UTP14C: variants seen among roughly 807,000 people sequenced by gnomAD.
The protein encoded by UTP14C is U3 small nucleolar RNA-associated protein 14 homolog C.
In UTP14C, 10 loss-of-function variants were observed where a neutral mutation model predicts 14.6. The ratio of observed to expected loss-of-function variants is 0.68; its 90% CI spans 0.42 to 1.16. The LOEUF is 1.16. Among genes scored for constraint, UTP14C ranks in the 50% most tolerant of loss-of-function variants. UTP14C has a pLI of 0.00. For missense variants in UTP14C, 818 were observed against 890.8 expected, an observed-to-expected ratio of 0.92 and a Z score of 1.04; for synonymous variants, 315 against 331.6, an observed-to-expected ratio of 0.95 and a Z score of 0.54.
Position 52,029,319 on chromosome 13 carries a change from A to G in UTP14C, c.515A>G (p.His172Arg), listed in dbSNP as rs748442937. The change falls in exon 2 of 2, where the codon CAT becomes CGT. Residue 172 changes from histidine to arginine, a missense_variant. Coordinates refer to ENST00000521776, the MANE Select transcript of UTP14C (RefSeq NM_021645.6). Reference sequence around the variant, plus strand: ...CAGCCAGCCATTGCTCCCATTGAACATGCGCTCAGTGGCTGGAAGGCAAGA... The same window carrying G: ...CAGCCAGCCATTGCTCCCATTGAACGTGCGCTCAGTGGCTGGAAGGCAAGA... Reference protein sequence around the residue: ...KEQPAIAPIEHALSGWKARTP... With the variant: ...KEQPAIAPIERALSGWKARTP... The G allele has an allele frequency of 1.2e-6, 2 of 1,614,174 alleles. No individual in the cohort carries two copies. The highest frequency in any genetic ancestry group is 1.7e-6 in the Non-Finnish European group (2 of 1,180,030).
rs73184339 is a variant in UTP14C at position 52,029,312 on chromosome 13, A to G, written c.508A>G (p.Ile170Val). The part of the protein sequence containing the change: ...LGKEQPAIAP[I>V]EHALSGWKAR... The stretch of plus-strand genomic sequence containing the variant: ...GAAGGAGCAGCCAGCCATTGCTCCC[A>G]TTGAACATGCGCTCAGTGGCTGGAA... The change falls in exon 2 of 2, where the codon ATT (isoleucine) becomes GTT (valine). Residue 170 changes from isoleucine (I) to valine (V), a missense_variant. Coordinates refer to ENST00000521776, the MANE Select transcript of UTP14C (RefSeq NM_021645.6). 6.0e-3 allele frequency: 9,624 copies of G among 1,614,194 alleles called. 34 individuals carry two copies. Among genetic ancestry groups the G allele is most frequent in the Non-Finnish European group, 7.5e-3 (8,858 of 1,180,036 alleles).
Position 52,029,800 on chromosome 13 carries a change from GAC to G in UTP14C, c.1000_1001del (p.Gln334GlufsTer7), listed in dbSNP as rs1481616329. 3 of 1,614,096 alleles carry G rather than the reference GAC, an allele frequency of 1.9e-6. No individual in the cohort carries two copies. Among genetic ancestry groups the G allele is most frequent in the Non-Finnish European group, 2.5e-6 (3 of 1,180,052 alleles). ...AACAGTTGGCCAAGAACAAAGAACT[GAC>G]ACAGAAACTCCAGGTAGCCTCTGAG... Reference protein sequence around the residue: ...QEQLAKNKELTQKLQVASESE... With the variant: ...QEQLAKNKELXQKLQVASESE... On this transcript the variant is annotated frameshift_variant, in exon 2 of 2. Transcript: ENST00000521776. LOFTEE classifies it low-confidence loss of function (END_TRUNC).
chr13:52,030,363 G>A lies in UTP14C; in HGVS notation c.1559G>A (p.Cys520Tyr). ...CTAGAAGAGCTGGGAAAAGAAGATT[G>A]TTTTCAAAATAAGGAGCTTCCCAGA... is the stretch of plus-strand genomic sequence containing the variant. The part of the protein sequence containing the change: ...EELEELGKED[C>Y]FQNKELPRPV... The change falls in exon 2 of 2, where the codon TGT becomes TAT. Residue 520 changes from cysteine to tyrosine, a missense_variant. Physicochemically the swap from Cys to Tyr is radical, Grantham distance 194. Transcript: ENST00000521776. 1 of 1,614,200 alleles carries A rather than the reference G, an allele frequency of 6.2e-7. No individual in the cohort carries two copies. Among genetic ancestry groups the A allele is most frequent in the South Asian group, 1.1e-5 (1 of 91,090 alleles).
Position 52,031,041 on chromosome 13 carries a change from T to C in UTP14C, c.2237T>C (p.Leu746Pro). 1 of 1,614,164 alleles carries C rather than the reference T, an allele frequency of 6.2e-7. No homozygotes were observed. The highest frequency in any genetic ancestry group is 8.5e-7 in the Non-Finnish European group (1 of 1,180,024). Residue 746 changes from leucine (L) to proline (P), a missense_variant, in exon 2 of 2, where the codon CTG becomes CCG. Physicochemically the swap from Leu to Pro is moderately conservative, Grantham distance 98. Coordinates refer to ENST00000521776, the MANE Select transcript of UTP14C (RefSeq NM_021645.6). Reference sequence around the variant, plus strand: ...TACCAGTCTTCCTCAAGGTCAGACCTGCCTGTCATACAGAGGAATCCAAAA... The same window carrying C: ...TACCAGTCTTCCTCAAGGTCAGACCCGCCTGTCATACAGAGGAATCCAAAA... ...VGYQSSSRSD[L>P]PVIQRNPKRI...
At position 52,030,674 on chromosome 13, in the gene UTP14C, G is replaced by A. The variant is rs749535690; in HGVS notation, c.1870G>A (p.Asp624Asn). Reference sequence around the variant, plus strand: ...GGAGGCGAGTAAGCCAAAGGACGTGGACCTGACACTACCTGGCTGGGGCGA... The same window carrying A: ...GGAGGCGAGTAAGCCAAAGGACGTGAACCTGACACTACCTGGCTGGGGCGA... ...AVEASKPKDVDLTLPGWGEWG... is the reference protein window; with the variant it reads ...AVEASKPKDVNLTLPGWGEWG... Residue 624 changes from aspartate (D) to asparagine (N), a missense_variant, in exon 2 of 2, where the codon GAC becomes AAC. Transcript: ENST00000521776. 40 of 1,614,088 alleles carry A rather than the reference G, an allele frequency of 2.5e-5. No homozygotes were observed. The highest frequency in any genetic ancestry group is 3.4e-5 in the Non-Finnish European group (40 of 1,180,044).
rs370985603 is a variant in UTP14C, at chr13:52,030,818, C to T, written c.2014C>T (p.Arg672Cys). ...GCCAAATGTGATTATCAGTGAGAAGCGCAACATCCACGCAGCAGCTCATCA... is the reference window on the plus strand; with the variant it reads ...GCCAAATGTGATTATCAGTGAGAAGTGCAACATCCACGCAGCAGCTCATCA... ...NLPNVIISEKRNIHAAAHQVQ... is the reference protein window; with the variant it reads ...NLPNVIISEKCNIHAAAHQVQ... Residue 672 changes from arginine to cysteine, a missense_variant, in exon 2 of 2, where the codon CGC (arginine) becomes TGC (cysteine). Physicochemically the swap from Arg to Cys is radical, Grantham distance 180. Coordinates refer to ENST00000521776, the MANE Select transcript of UTP14C (RefSeq NM_021645.6). The T allele has an allele frequency of 3.9e-5, 63 of 1,614,094 alleles. No homozygotes were observed. In the South Asian group the frequency reaches 4.6e-4, roughly 12 times the overall value.
chr13:52,032,789 CTCT>C lies in UTP14C; in HGVS notation c.*1686_*1688del, dbSNP rs1428411277. 6.0e-6 allele frequency: 1 copy of C among 167,038 alleles called. No individual in the cohort carries two copies. Among genetic ancestry groups the C allele is most frequent in the Non-Finnish European group, 1.5e-5 (1 of 68,102 alleles). 10.3% of individuals were successfully genotyped at this position (167,038 alleles called of 1,614,324 possible). On this transcript the variant is annotated 3_prime_UTR_variant, in exon 2 of 2. Coordinates refer to ENST00000521776, the MANE Select transcript of UTP14C (RefSeq NM_021645.6). ...GAACCCTACAGATTAGCCCAGTTCT[CTCT>C]TATTTTCAGCTTTACAGACAAGAAC...
In UTP14C at chr13:52,029,358, A is replaced by G. The variant is rs367594824; in HGVS notation, c.554A>G (p.Gln185Arg). 15 of 1,614,026 alleles carry G rather than the reference A, an allele frequency of 9.3e-6. No homozygotes were observed. In the East Asian group the frequency reaches 1.1e-4, roughly 12 times the overall value. ...TGGAAGGCAAGAACTCCCCTGGAGC[A>G]GGAAATTTTTAACCTCCTCCATAAG... Reference protein sequence around the residue: ...SGWKARTPLEQEIFNLLHKNK... With the variant: ...SGWKARTPLEREIFNLLHKNK... The change falls in exon 2 of 2, where the codon CAG becomes CGG. Residue 185 changes from glutamine to arginine, a missense_variant. Physicochemically the swap from Gln to Arg is conservative, Grantham distance 43. Coordinates refer to ENST00000521776, the MANE Select transcript of UTP14C (RefSeq NM_021645.6).
chr13:52,026,855 TGCAGGTA>T (rs1954246126), intron 1 of UTP14C, among the ~76,000 whole-genome samples: 1 of 152,196 alleles, frequency 6.6e-6, no homozygotes, highest in Non-Finnish European at 1.5e-5. Flanking sequence ...ATTGTCCTTG[TGCAGGTA>T]GTTATCAAAG....
At position 52,030,417 on chromosome 13, in the gene UTP14C, G is replaced by A. The variant is rs1173660049; in HGVS notation, c.1613G>A (p.Arg538Lys). ...GTGTTAGAAGGACAGCAGTCAGAGA[G>A]GACCCCAAATAATCGGCCTGATGCC... The part of the protein sequence containing the change: ...RPVLEGQQSE[R>K]TPNNRPDAPK... Residue 538 changes from arginine to lysine, a missense_variant, in exon 2 of 2, where the codon AGG (arginine) becomes AAG (lysine). Physicochemically the swap from Arg to Lys is conservative, Grantham distance 26. Coordinates refer to ENST00000521776, the MANE Select transcript of UTP14C (RefSeq NM_021645.6). 2 of 1,614,204 alleles carry A rather than the reference G, an allele frequency of 1.2e-6. No homozygotes were observed. Among genetic ancestry groups the A allele is most frequent in the East Asian group, 2.2e-5 (1 of 44,878 alleles).
At position 52,029,750 on chromosome 13, in the gene UTP14C, C is replaced by G; in HGVS notation, c.946C>G (p.Leu316Val). The change falls in exon 2 of 2, where the codon CTG (leucine) becomes GTG (valine). Residue 316 changes from leucine (L) to valine (V), a missense_variant. Physicochemically the swap from Leu to Val is conservative, Grantham distance 32. Transcript: ENST00000521776. Reference protein sequence around the residue: ...KSKAIMAKYDLEARQAMQEQL... With the variant: ...KSKAIMAKYDVEARQAMQEQL... ...AAAGGCAATTATGGCCAAATATGAC[C>G]TGGAGGCTCGCCAAGCTATGCAGGA... The G allele has an allele frequency of 6.2e-7, 1 of 1,614,160 alleles. No homozygotes were observed. Among genetic ancestry groups the G allele is most frequent in the Non-Finnish European group, 8.5e-7 (1 of 1,180,032 alleles).
At position 52,024,837 on chromosome 13, in the gene UTP14C, T is replaced by C. The variant is rs146432805; in HGVS notation, c.-587T>C. 727 of 1,613,970 alleles carry C rather than the reference T, an allele frequency of 4.5e-4. 7 individuals are homozygous for C. In the East Asian group the frequency reaches 0.013, roughly 28 times the overall value. On this transcript the variant is annotated 5_prime_UTR_variant, in exon 1 of 2. The change abolishes an upstream ATG in the 5' untranslated region. Coordinates refer to ENST00000521776, the MANE Select transcript of UTP14C (RefSeq NM_021645.6). ...CTGAGGATTTAGGAGTTCAAGAATATGTGGAATTTAAAATAAACATTCCAT... is the reference window on the plus strand; with the variant it reads ...CTGAGGATTTAGGAGTTCAAGAATACGTGGAATTTAAAATAAACATTCCAT...
rs149660675 is a variant in UTP14C, at chr13:52,029,702, A to G, written c.898A>G (p.Asn300Asp). 7 of 1,614,230 alleles carry G rather than the reference A, an allele frequency of 4.3e-6. No individual in the cohort carries two copies. In the Admixed American group the frequency reaches 1.2e-4, roughly 27 times the overall value. Reference sequence around the variant, plus strand: ...GGAAAGAATGAGCCTTAAGCACCAAAACAGTGGGAAATGGGCCAAGTCAAA... The same window carrying G: ...GGAAAGAATGAGCCTTAAGCACCAAGACAGTGGGAAATGGGCCAAGTCAAA... ...MMERMSLKHQNSGKWAKSKAI... is the reference protein window; with the variant it reads ...MMERMSLKHQDSGKWAKSKAI... Residue 300 changes from asparagine (N) to aspartate (D), a missense_variant, in exon 2 of 2, where the codon AAC becomes GAC. Physicochemically the swap from Asn to Asp is conservative, Grantham distance 23. Transcript: ENST00000521776.
In UTP14C at chr13:52,029,296, G is replaced by T. The variant is rs376360056; in HGVS notation, c.492G>T (p.Gln164His). The change falls in exon 2 of 2, where the codon CAG becomes CAT. Residue 164 changes from glutamine to histidine, a missense_variant. Coordinates refer to ENST00000521776, the MANE Select transcript of UTP14C (RefSeq NM_021645.6). ...EQLVFPLGKE[Q>H]PAIAPIEHAL... ...TGGTTTTTCCCCTGGGGAAGGAGCAGCCAGCCATTGCTCCCATTGAACATG... is the reference window on the plus strand; with the variant it reads ...TGGTTTTTCCCCTGGGGAAGGAGCATCCAGCCATTGCTCCCATTGAACATG... The T allele has an allele frequency of 3.1e-6, 5 of 1,614,164 alleles. No homozygotes were observed. In the African/African-American group the frequency reaches 6.7e-5, roughly 22 times the overall value.
chr13:52,025,054 C>G lies in UTP14C; in HGVS notation c.-487+117C>G. On this transcript the variant is annotated intron_variant, in intron 1 of 1. Transcript: ENST00000521776. ...CATGCCCTAATTCTCTTGCCCTCAT[C>G]CACCAAATGTGCTTTCCTCACTTGA... 8 of 1,165,944 alleles carry G rather than the reference C, an allele frequency of 6.9e-6. 1 individual carries two copies. Among genetic ancestry groups the G allele is most frequent in the South Asian group, 6.3e-5 (5 of 79,362 alleles). 72.2% of individuals were successfully genotyped at this position (1,165,944 alleles called of 1,614,324 possible).
rs1010446002 is a variant in UTP14C, at chr13:52,033,443, T to C, written c.*2338T>C. On this transcript the variant is annotated 3_prime_UTR_variant, in exon 2 of 2. Transcript: ENST00000521776. The stretch of plus-strand genomic sequence containing the variant: ...TACAAAGTCTGTGTCTAAATATTAT[T>C]TAAAGAAGTGATTTTTCATTCTCTT... 1 of 167,142 alleles carries C rather than the reference T, an allele frequency of 6.0e-6. No homozygotes were observed. The highest frequency in any genetic ancestry group is 2.4e-5 in the African/African-American group (1 of 41,464). 10.4% of individuals were successfully genotyped at this position (167,142 alleles called of 1,614,324 possible).
At position 52,033,213 on chromosome 13, in the gene UTP14C, C is replaced by T. The variant is rs1298642139; in HGVS notation, c.*2108C>T. The T allele has an allele frequency of 6.0e-6, 1 of 167,036 alleles. No individual in the cohort carries two copies. The highest frequency in any genetic ancestry group is 1.5e-5 in the Non-Finnish European group (1 of 68,112). 10.3% of individuals were successfully genotyped at this position (167,036 alleles called of 1,614,324 possible). On this transcript the variant is annotated 3_prime_UTR_variant, in exon 2 of 2. Transcript: ENST00000521776. ...TGGTTTGTCCGCTAGCGTCTGTCTG[C>T]AGAACTTTCAGGATGACTATTAATT...
chr13:52,029,919 C>G lies in UTP14C; in HGVS notation c.1115C>G (p.Pro372Arg). ...CAGATGAATGTGGACGGACCGAATC[C>G]CTGGATGTTCAGGAGCTGCACCAGT... is the stretch of plus-strand genomic sequence containing the variant. ...EVQMNVDGPN[P>R]WMFRSCTSDT... The change falls in exon 2 of 2, where the codon CCC becomes CGC. Residue 372 changes from proline (P) to arginine (R), a missense_variant. Pro to Arg is a moderately radical substitution (Grantham distance 103, BLOSUM62 -2). Coordinates refer to ENST00000521776, the MANE Select transcript of UTP14C (RefSeq NM_021645.6). 6.2e-7 allele frequency: 1 copy of G among 1,614,144 alleles called. No homozygotes were observed. Among genetic ancestry groups the G allele is most frequent in the Non-Finnish European group, 8.5e-7 (1 of 1,180,030 alleles).
intron 1 of UTP14C, among the ~76,000 whole-genome samples, chr13:52,025,666 T>C (rs934577709): frequency 6.6e-6 from 1 of 152,254 alleles, no homozygotes; most frequent in Non-Finnish European, 1.5e-5. Flanking sequence ...CACAAACTGC[T>C]ATCTCTATTC....
Sources: gnomAD v4.1 joint callset for allele counts (sites outside exome capture counted in the v4.1 genomes callset) on GRCh38, gnomAD v4.1.1 for gene constraint, MANE v1.5 for transcripts, NCBI Gene and HGNC (gene_info 2026-07-23, HGNC 2026-07-21) for gene names.